Variants in PTPN2 observed in about 807,000 individuals in gnomAD.
The protein encoded by PTPN2 is tyrosine-protein phosphatase non-receptor type 2.
A neutral mutation model predicts 57.3 loss-of-function variants in PTPN2; 19 were observed. The observed-to-expected ratio is 0.33, with a 90% CI of 0.23 to 0.49. PTPN2 has a LOEUF of 0.49. PTPN2 is among the 20% of genes least tolerant of loss of function. The probability of loss-of-function intolerance (pLI) is 0.99; values close to 1 mark genes in which losing one functional copy is unlikely to be tolerated. For synonymous variants in PTPN2, 153 were observed against 164.9 expected (o/e 0.93, Z 0.55); for missense variants, 358 against 501.1 (o/e 0.71, Z 2.73).
At position 12,875,396 on chromosome 18, in the gene PTPN2, A is replaced by T. The variant is rs529951223; in HGVS notation, c.69+8677T>A. On this transcript the variant is annotated intron_variant, in intron 1 of 8. Coordinates refer to ENST00000309660, the MANE Select transcript of PTPN2 (RefSeq NM_002828.4). ...GTGAGAGCTTATATTCTTTAAAGTT[A>T]GCCTGTGGAAATGTATCTCTTCCTC... Among the ~76,000 whole-genome samples the T allele has an allele frequency of 1.1e-4, 17 of 152,168 alleles. No individual in the cohort carries two copies. In the East Asian group the frequency reaches 3.3e-3, roughly 29 times the overall value.
chr18:12,799,009 C>A (rs1349725438), intron 8 of PTPN2, among the ~76,000 whole-genome samples: 3 of 152,130 alleles, frequency 2.0e-5, no homozygotes, highest in Non-Finnish European at 4.4e-5. Flanking sequence ...CAATAAACTT[C>A]ACGACTATGT....
chr18:12,830,415 G>A (rs140914645), intron 4 of PTPN2, among the ~76,000 whole-genome samples: 1 of 152,284 alleles, frequency 6.6e-6, no homozygotes, highest in African/African-American at 2.4e-5. Context: ...TTACAGGTTT[G>A]AGGCACCGTG....
intron 2 of PTPN2, chr18:12,841,031 C>T (rs1315662840): frequency 7.4e-7 from 1 of 1,346,446 alleles, no homozygotes; most frequent in Non-Finnish European, 9.8e-7. Flanking sequence ...AAAGGTAAGA[C>T]ATTATTTGTT....
At chr18:12,809,789 G>A (rs2041828057) in intron 7 of PTPN2, among the ~76,000 whole-genome samples, 1 of 152,214 alleles carries the variant, frequency 6.6e-6, no homozygotes, top group Non-Finnish European at 1.5e-5. Context: ...AGCAATGCTT[G>A]TATTCAGATC....
exon 10 of PTPN2, chr18:12,785,754 C>A: frequency 6.9e-7 from 1 of 1,442,114 alleles, no homozygotes; most frequent in Non-Finnish European, 9.7e-7. Flanking sequence ...CCGGAGTGGG[C>A]TTCAGGTCTT....
intron 7 of PTPN2, among the ~76,000 whole-genome samples, chr18:12,802,735 G>A (rs2041478072): frequency 6.6e-6 from 1 of 152,168 alleles, no homozygotes; most frequent in South Asian, 2.1e-4. Context: ...TATTCAAAGT[G>A]CTGAAAGATA....
rs144758229 is a variant in PTPN2 at position 12,801,427 on chromosome 18, T to C, written c.1040+543A>G. Among the ~76,000 whole-genome samples, 16 of 152,036 alleles carry C rather than the reference T, an allele frequency of 1.1e-4. 1 individual carries two copies. In the East Asian group the frequency reaches 2.9e-3, roughly 28 times the overall value. On this transcript the variant is annotated intron_variant, in intron 8 of 8. Coordinates refer to ENST00000309660, the MANE Select transcript of PTPN2 (RefSeq NM_002828.4). ...ACATGGGAGGGCTGAGGCAGGAGAA[T>C]TGCTTGAACCCAGGAGGTGGAGCAG... is the stretch of plus-strand genomic sequence containing the variant.
chr18:12,808,512 G>A (rs922308337), intron 7 of PTPN2, among the ~76,000 whole-genome samples: 2 of 152,210 alleles, frequency 1.3e-5, no homozygotes, highest in Non-Finnish European at 2.9e-5. Flanking sequence ...GGCATGCGGT[G>A]GCTCACGCCT....
At chr18:12,823,933 T>C (rs2042358416) in intron 5 of PTPN2, among the ~76,000 whole-genome samples, 1 of 152,188 alleles carries the variant, frequency 6.6e-6, no homozygotes, top group Non-Finnish European at 1.5e-5. Context: ...GTATAATCAA[T>C]TCTCAATAAG....
intron 2 of PTPN2, among the ~76,000 whole-genome samples, chr18:12,841,484 AG>A (rs2043044142): frequency 6.6e-6 from 1 of 152,250 alleles, no homozygotes; most frequent in Admixed American, 6.5e-5. Context: ...CGTAATCAAA[AG>A]GTGATGAGGC....
chr18:12,832,952 C>A lies in PTPN2; in HGVS notation c.262-1911G>T, dbSNP rs184842694. Among the ~76,000 whole-genome samples, 115 of 152,266 alleles carry A rather than the reference C, an allele frequency of 7.6e-4. 1 individual carries two copies. Among genetic ancestry groups the A allele is most frequent in the Admixed American group, 7.2e-3 (110 of 15,294 alleles). On this transcript the variant is annotated intron_variant, in intron 3 of 8. Transcript: ENST00000309660. ...TACAGGCGTGCACCACCATGCCAGG[C>A]TGATTTTTGTATTTTTAGTAGAGAC...
intron 2 of PTPN2, among the ~76,000 whole-genome samples, chr18:12,849,413 G>T (rs1165308730): frequency 6.6e-6 from 1 of 152,172 alleles, no homozygotes; most frequent in Admixed American, 6.5e-5. Context: ...ACAAAAATTA[G>T]CCAGACATGG....
chr18:12,807,028 C>T (rs1176228811), intron 7 of PTPN2, among the ~76,000 whole-genome samples: 1 of 152,116 alleles, frequency 6.6e-6, no homozygotes, highest in African/African-American at 2.4e-5. Context: ...TATCTGCAAA[C>T]TATACATTTG....
intron 4 of PTPN2, among the ~76,000 whole-genome samples, chr18:12,830,101 T>TC (rs2042616797): frequency 3.7e-5 from 2 of 54,734 alleles, no homozygotes; most frequent in South Asian, 2.0e-3. Context: ...TAATCCTTGA[T>TC]TTTTTTTTTT....
At chr18:12,804,771 G>A (rs545829218) in intron 7 of PTPN2, among the ~76,000 whole-genome samples, 7 of 152,286 alleles carry the variant, frequency 4.6e-5, no homozygotes, top group Non-Finnish European at 8.8e-5. Flanking sequence ...GCCCGGACTT[G>A]ATGGCTTCAT....
chr18:12,785,919 A>C, intron 9 of PTPN2: 2 of 1,240,614 alleles, frequency 1.6e-6, no homozygotes, highest in Admixed American at 1.8e-5. Context: ...ATGCACACAA[A>C]CATAAAAGGA....
chr18:12,879,511 G>A (rs2044600334), intron 1 of PTPN2, among the ~76,000 whole-genome samples: 1 of 152,152 alleles, frequency 6.6e-6, no homozygotes, highest in Non-Finnish European at 1.5e-5. Flanking sequence ...TGCTTACTAA[G>A]CACCTGATAC....
At chr18:12,817,889 C>T (rs2042130914) in intron 5 of PTPN2, among the ~76,000 whole-genome samples, 1 of 151,980 alleles carries the variant, frequency 6.6e-6, no homozygotes, top group Admixed American at 6.6e-5. Context: ...GCCTGTAATC[C>T]CAGCACTTTG....
chr18:12,827,315 C>G (rs1385498946), intron 4 of PTPN2, among the ~76,000 whole-genome samples: 1 of 150,320 alleles, frequency 6.7e-6, no homozygotes, highest in Non-Finnish European at 1.5e-5. Flanking sequence ...TGCACTCCAG[C>G]CTGGGCGACA....
Sources: allele counts gnomAD v4.1 joint callset (sites outside exome capture counted in the v4.1 genomes callset), GRCh38; gene constraint gnomAD v4.1.1; transcripts MANE v1.5; gene names NCBI Gene and HGNC (gene_info 2026-07-23, HGNC 2026-07-21).